The following PDE10A variants were observed in gnomAD, a reference collection of about 807,000 sequenced individuals.
PDE10A encodes the protein phosphodiesterase 10A.
In PDE10A, 39 loss-of-function variants were observed where a neutral mutation model predicts 97.7. That is an observed-to-expected ratio of 0.40 (90% CI 0.31 to 0.52). The LOEUF (loss-of-function observed/expected upper bound fraction) is 0.52. PDE10A is among the 20% of genes least tolerant of loss of function. The pLI is 0.56. For synonymous variants in PDE10A, 371 were observed against 376.8 expected (o/e 0.98, Z 0.18); for missense variants, 731 against 1,047.8 (o/e 0.70, Z 4.17).
At chr6:165,759,119 C>T (rs1462712757) in intron 1 of PDE10A, among the ~76,000 whole-genome samples, 5 of 152,156 alleles carry the variant, frequency 3.3e-5, no homozygotes, top group Non-Finnish European at 1.5e-5. Flanking sequence ...GCTATGAGAT[C>T]CGCTACTTTA....
chr6:165,938,348 A>G (rs1222657614), intron 1 of PDE10A, among the ~76,000 whole-genome samples: 7 of 152,376 alleles, frequency 4.6e-5, no homozygotes, highest in Non-Finnish European at 5.9e-5. Flanking sequence ...GTTGTCTCCA[A>G]CTAGAATAAA....
chr6:165,425,508 A>T (rs2128235093), intron 10 of PDE10A, among the ~76,000 whole-genome samples: 1 of 152,282 alleles, frequency 6.6e-6, no homozygotes, highest in African/African-American at 2.4e-5. Flanking sequence ...AAAAACACGC[A>T]ATAAAGTAGG....
rs111411119 is a variant in PDE10A at position 165,572,551 on chromosome 6, C to T, written c.866-28983G>A. Among the ~76,000 whole-genome samples the T allele has an allele frequency of 5.0e-3, 766 of 152,324 alleles. 3 individuals are homozygous for T. The highest frequency in any genetic ancestry group is 0.017 in the African/African-American group (716 of 41,576). ...AAATGTCATTTTAACAATTCAGTGGCATTTCTAAATTGCTAAAACTCTTTT... is the reference window on the plus strand; with the variant it reads ...AAATGTCATTTTAACAATTCAGTGGTATTTCTAAATTGCTAAAACTCTTTT... On this transcript the variant is annotated intron_variant, in intron 1 of 21. Coordinates refer to ENST00000539869, the MANE Select transcript of PDE10A (RefSeq NM_001385079.1).
chr6:165,694,065 G>A (rs959683456), intron 1 of PDE10A, among the ~76,000 whole-genome samples: 1 of 152,168 alleles, frequency 6.6e-6, no homozygotes, highest in Non-Finnish European at 1.5e-5. Context: ...CAACACTTAT[G>A]TGCAAAAATG....
At chr6:165,581,511 C>A (rs79794957) in intron 1 of PDE10A, among the ~76,000 whole-genome samples, 2 of 152,350 alleles carry the variant, frequency 1.3e-5, no homozygotes, top group East Asian at 1.9e-4. Flanking sequence ...TCCCCAGGAA[C>A]TGCATCAGCC....
At chr6:165,523,258 A>C (rs1178801428) in intron 2 of PDE10A, among the ~76,000 whole-genome samples, 2 of 152,170 alleles carry the variant, frequency 1.3e-5, no homozygotes, top group African/African-American at 4.8e-5. Flanking sequence ...TCACAGAATT[A>C]GAAAAAACTA....
intron 1 of PDE10A, among the ~76,000 whole-genome samples, chr6:165,603,065 T>A (rs904222746): frequency 6.6e-6 from 1 of 152,186 alleles, no homozygotes; most frequent in Non-Finnish European, 1.5e-5. Flanking sequence ...TTTTATTTTT[T>A]AAAAAATAGC....
chr6:165,800,840 C>T (rs541141318), intron 1 of PDE10A, among the ~76,000 whole-genome samples: 2 of 152,268 alleles, frequency 1.3e-5, no homozygotes, highest in Admixed American at 6.5e-5. Flanking sequence ...TAGAGGGCAG[C>T]GTCCAGCCAG....
chr6:165,545,559 AAC>A (rs1400821019), intron 1 of PDE10A, among the ~76,000 whole-genome samples: 1 of 152,118 alleles, frequency 6.6e-6, no homozygotes. Context: ...TAAACAAAAA[AAC>A]ACTCGTTAAA....
intron 1 of PDE10A, among the ~76,000 whole-genome samples, chr6:165,902,862 G>C (rs951527723): frequency 1.3e-5 from 2 of 152,218 alleles, no homozygotes; most frequent in African/African-American, 4.8e-5. Context: ...AGAAGAAAAG[G>C]TCCTGGGTAC....
intron 1 of PDE10A, among the ~76,000 whole-genome samples, chr6:165,971,667 T>C (rs1395158672): frequency 2.6e-5 from 4 of 152,144 alleles, no homozygotes; most frequent in Non-Finnish European, 5.9e-5. Flanking sequence ...AGCAAAACAA[T>C]AGTAATTTAC....
At chr6:165,401,186 A>G (rs1482010083) in intron 13 of PDE10A, among the ~76,000 whole-genome samples, 1 of 152,190 alleles carries the variant, frequency 6.6e-6, no homozygotes, top group African/African-American at 2.4e-5. Flanking sequence ...CAGTGAAACT[A>G]TTTTAAAAGT....
intron 1 of PDE10A, among the ~76,000 whole-genome samples, chr6:165,646,535 C>A (rs1182543330): frequency 6.6e-6 from 1 of 152,230 alleles, no homozygotes; most frequent in Admixed American, 6.5e-5. Context: ...CCAAAATACA[C>A]GTCTCCAAGT....
intron 1 of PDE10A, among the ~76,000 whole-genome samples, chr6:165,650,055 C>T (rs1248831624): frequency 6.6e-6 from 1 of 152,116 alleles, no homozygotes; most frequent in Non-Finnish European, 1.5e-5. Context: ...CATCGTTTGA[C>T]ATTTTGGGAT....
chr6:165,774,704 G>A (rs965358723), intron 1 of PDE10A: 2 of 149,684 alleles, frequency 1.3e-5, no homozygotes, highest in East Asian at 3.9e-4. Context: ...CTGGGATGCT[G>A]AATCAGATCT....
chr6:165,774,471 A>G (rs1001670421), intron 1 of PDE10A, among the ~76,000 whole-genome samples: 3 of 148,136 alleles, frequency 2.0e-5, no homozygotes, highest in Non-Finnish European at 4.5e-5. Flanking sequence ...ACATGTATAT[A>G]TAATATATAA....
At chr6:165,866,811 A>C (rs1453224397) in intron 1 of PDE10A, among the ~76,000 whole-genome samples, 1 of 151,718 alleles carries the variant, frequency 6.6e-6, no homozygotes, top group Non-Finnish European at 1.5e-5. Flanking sequence ...AAAAAAAAAA[A>C]CCTGCCACCC....
intron 3 of PDE10A, 53 bp from the exon 4 acceptor site, chr6:165,450,415 A>C: frequency 1.8e-6 from 2 of 1,088,154 alleles, no homozygotes; most frequent in Non-Finnish European, 2.7e-6. Context: ...AAATATAACA[A>C]AAATTCCTTA....
Position 165,735,012 on chromosome 6 carries a change from GATA to G in PDE10A, c.-614-191447_-614-191445del, listed in dbSNP as rs1562710386. 9.3e-3 allele frequency among the ~76,000 whole-genome samples: 1,225 copies of G among 132,044 alleles called. 13 individuals carry two copies. Among genetic ancestry groups the G allele is most frequent in the African/African-American group, 0.022 (567 of 25,782 alleles). The allele number at this position is 132,044 out of a possible 152,430, so 86.6% of individuals were successfully genotyped here. On this transcript the variant is annotated intron_variant, in intron 1 of 19. Coordinates refer to the PDE10A transcript ENST00000366882. ...TAGATAGTAGGTAGGTAGGTAGGTA[GATA>G]GGTAGGTAGTTAGGTAGGTAGATAG... is the stretch of plus-strand genomic sequence containing the variant.
Sources: gnomAD v4.1 joint callset for allele counts (sites outside exome capture counted in the v4.1 genomes callset) on GRCh38, gnomAD v4.1.1 for gene constraint, MANE v1.5 for transcripts, NCBI Gene and HGNC (gene_info 2026-07-23, HGNC 2026-07-21) for gene names.